The following SLC35D4 variants were observed in gnomAD, a reference collection of about 807,000 sequenced individuals.
SLC35D4 encodes UDP-N-acetylglucosamine transporter SLC35D4.
the SLC35D4 span, among the ~76,000 whole-genome samples, chr18:23,389,783 C>A: frequency 2.0e-5 from 3 of 152,200 alleles, no homozygotes; most frequent in African/African-American, 7.2e-5. Flanking sequence ...AGGTAATTCA[C>A]CCACCTCGGC....
chr18:23,384,760 G>A, the SLC35D4 span, among the ~76,000 whole-genome samples: 1 of 152,236 alleles, frequency 6.6e-6, no homozygotes, highest in Non-Finnish European at 1.5e-5. Flanking sequence ...GTCTGGGTCA[G>A]CCTGGCCTGG....
At chr18:23,300,599 G>A in the SLC35D4 span, among the ~76,000 whole-genome samples, 9 of 152,156 alleles carry the variant, frequency 5.9e-5, no homozygotes, top group African/African-American at 2.2e-4. Context: ...ACCTTGGTTC[G>A]GTTTACTGTT....
the SLC35D4 span, among the ~76,000 whole-genome samples, chr18:23,415,600 G>A: frequency 6.6e-6 from 1 of 152,172 alleles, no homozygotes; most frequent in South Asian, 2.1e-4. Context: ...CAGATAAAAC[G>A]GGTCACAACG....
the SLC35D4 span, chr18:23,356,600 C>T: frequency 1.2e-6 from 2 of 1,614,142 alleles, no homozygotes; most frequent in Non-Finnish European, 1.7e-6. The surrounding 1 kb of genome is among the most constrained non-coding windows in gnomAD (Gnocchi z 4.1). Flanking sequence ...TTACCTGGCA[C>T]AGCAGCTACC....
At chr18:23,326,210 CT>C in the SLC35D4 span, among the ~76,000 whole-genome samples, 1 of 152,104 alleles carries the variant, frequency 6.6e-6, no homozygotes, top group African/African-American at 2.4e-5. Flanking sequence ...CAATAATAAC[CT>C]TAAATGTAAA....
the SLC35D4 span, among the ~76,000 whole-genome samples, chr18:23,366,583 A>C: frequency 6.6e-6 from 1 of 152,300 alleles, no homozygotes; most frequent in African/African-American, 2.4e-5. Context: ...ATGGCCCCTC[A>C]GTGGCTCTAA....
chr18:23,267,619 G>A, the SLC35D4 span, among the ~76,000 whole-genome samples: 1 of 152,106 alleles, frequency 6.6e-6, no homozygotes, highest in African/African-American at 2.4e-5. Context: ...TCGGCCCTCA[G>A]CCAGCTTCTC....
the SLC35D4 span, among the ~76,000 whole-genome samples, chr18:23,285,834 C>T: frequency 1.5e-4 from 23 of 152,130 alleles, no homozygotes; most frequent in African/African-American, 4.8e-4. Context: ...CTCCCCCACC[C>T]GCCCAGCAAT....
the SLC35D4 span, among the ~76,000 whole-genome samples, chr18:23,383,300 G>A: frequency 6.6e-6 from 1 of 151,960 alleles, no homozygotes; most frequent in East Asian, 1.9e-4. Context: ...AACAGCCCAG[G>A]GAAACCCTGA....
At chr18:23,324,462 A>C in the SLC35D4 span, among the ~76,000 whole-genome samples, 3 of 152,234 alleles carry the variant, frequency 2.0e-5, no homozygotes, top group African/African-American at 7.2e-5. Flanking sequence ...TCATTGAATT[A>C]GAAGTGAAAA....
At chr18:23,271,462 C>T in the SLC35D4 span, among the ~76,000 whole-genome samples, 547 of 152,286 alleles carry the variant, frequency 3.6e-3, 2 homozygotes, top group Non-Finnish European at 5.7e-3. Flanking sequence ...TGTGAGGGAT[C>T]CTCGTCTGGG....
chr18:23,411,562 T>C, the SLC35D4 span, among the ~76,000 whole-genome samples: 1 of 132,536 alleles, frequency 7.5e-6, no homozygotes, highest in Non-Finnish European at 1.7e-5. Flanking sequence ...AGGTGTGTGC[T>C]GTAGGGTCTC....
chr18:23,310,089 C>T, the SLC35D4 span: 1 of 467,026 alleles, frequency 2.1e-6, no homozygotes, highest in African/African-American at 2.1e-5. Context: ...AAACTCATTT[C>T]CATTTTGTCT....
the SLC35D4 span, among the ~76,000 whole-genome samples, chr18:23,391,879 A>G: frequency 6.6e-6 from 1 of 151,994 alleles, no homozygotes; most frequent in African/African-American, 2.4e-5. Flanking sequence ...ATAAATTTCT[A>G]TGTGCTAAAT....
At chr18:23,252,874 A>C in the SLC35D4 span, 1 of 818,266 alleles carries the variant, frequency 1.2e-6, no homozygotes, top group East Asian at 2.6e-5. Context: ...TGGCTTTGGG[A>C]GTTGTAAGTT....
the SLC35D4 span, among the ~76,000 whole-genome samples, chr18:23,391,053 C>A: frequency 6.6e-6 from 1 of 151,906 alleles, no homozygotes; most frequent in Non-Finnish European, 1.5e-5. Flanking sequence ...TGGTGAAACC[C>A]CGTCTCTACT....
At chr18:23,430,942 T>C in the SLC35D4 span, among the ~76,000 whole-genome samples, 2 of 151,152 alleles carry the variant, frequency 1.3e-5, no homozygotes, top group African/African-American at 4.9e-5. Context: ...GATCACAAGG[T>C]GAGGAGTTCG....
the SLC35D4 span, among the ~76,000 whole-genome samples, chr18:23,360,291 G>A: frequency 6.6e-6 from 1 of 152,296 alleles, no homozygotes; most frequent in South Asian, 2.1e-4. Flanking sequence ...ATCCTATTCT[G>A]AAATGTTCAT....
chr18:23,286,260 C>G, the SLC35D4 span, among the ~76,000 whole-genome samples: 10 of 152,152 alleles, frequency 6.6e-5, no homozygotes, highest in Non-Finnish European at 1.3e-4. Flanking sequence ...TTCCAAACAC[C>G]TAAACCGCAG....
Sources: gnomAD v4.1 joint callset for allele counts (sites outside exome capture counted in the v4.1 genomes callset) on GRCh38, gnomAD v4.1.1 for gene constraint, Gnocchi (gnomAD v3.1) non-coding constraint, MANE v1.5 for transcripts, NCBI Gene and HGNC (gene_info 2026-07-23, HGNC 2026-07-21) for gene names.